The following HECW1 variants were observed in gnomAD, a reference collection of about 807,000 sequenced individuals.
The protein encoded by HECW1 is E3 ubiquitin-protein ligase HECW1.
HECW1 carries 61 observed loss-of-function variants against 182.3 expected under a neutral mutation model. The ratio of observed to expected loss-of-function variants is 0.33; its 90% CI spans 0.27 to 0.41. HECW1 has a LOEUF of 0.41. HECW1 is among the 10% of genes least tolerant of loss of function. HECW1 has a pLI of 1.00. For missense variants in HECW1, 1,739 were observed against 2,108.9 expected (o/e 0.82, Z 3.44); for synonymous variants, 859 against 832.6 (o/e 1.03, Z -0.55).
chr7:43,219,294 G>A (rs913614131), intron 2 of HECW1, among the ~76,000 whole-genome samples: 10 of 152,140 alleles, frequency 6.6e-5, no homozygotes, highest in Middle Eastern at 3.4e-3. Context: ...TAAGACCCAG[G>A]GCTTTCCTAC....
At chr7:43,203,735 T>C (rs972239909) in intron 2 of HECW1, among the ~76,000 whole-genome samples, 5 of 152,232 alleles carry the variant, frequency 3.3e-5, no homozygotes, top group African/African-American at 1.2e-4. Context: ...TGGTCACTGG[T>C]GGTAGCCACC....
chr7:43,197,321 C>A (rs1234344927), intron 2 of HECW1, among the ~76,000 whole-genome samples: 1 of 152,094 alleles, frequency 6.6e-6, no homozygotes, highest in Non-Finnish European at 1.5e-5. Context: ...CATCCCACCC[C>A]CACACACTCA....
intron 2 of HECW1, among the ~76,000 whole-genome samples, chr7:43,159,834 C>A (rs1790338184): frequency 1.3e-5 from 2 of 151,998 alleles, no homozygotes; most frequent in South Asian, 4.2e-4. Context: ...TGCCCACCAC[C>A]ACGCCCGGCT....
At chr7:43,430,743 G>T (rs1308704754) in intron 8 of HECW1, among the ~76,000 whole-genome samples, 1 of 113,978 alleles carries the variant, frequency 8.8e-6, no homozygotes, top group African/African-American at 3.1e-5. Flanking sequence ...TTGGCTTTGG[G>T]GTATATCTAG....
rs201515538 is a variant in HECW1, at chr7:43,445,101, C to A, written c.1929C>A (p.Gly643=). The stretch of plus-strand genomic sequence containing the variant: ...GCCACTTCCCCAGCCTGGCCAATGG[C>A]GCGGCCCAGGATGGCGACACGCACC... ...SGGHFPSLAN[G]AAQDGDTHPS... Residue 643 remains glycine (G), a synonymous_variant, in exon 11 of 30, where the codon GGC becomes GGA. Transcript: ENST00000395891. 6.2e-7 allele frequency: 1 copy of A among 1,605,678 alleles called. No homozygotes were observed. Among genetic ancestry groups the A allele is most frequent in the South Asian group, 1.1e-5 (1 of 90,686 alleles).
At chr7:43,334,931 C>A (rs183490052) in intron 5 of HECW1, among the ~76,000 whole-genome samples, 2 of 152,264 alleles carry the variant, frequency 1.3e-5, no homozygotes, top group African/African-American at 4.8e-5. Context: ...CTGTTCTTTT[C>A]TTCATATTTA....
rs768676345 is a variant in HECW1, at chr7:43,445,311, C to T, written c.2139C>T (p.Phe713=). The change falls in exon 11 of 30, where the codon TTC becomes TTT. Residue 713 remains phenylalanine (F), a synonymous_variant. Coordinates refer to ENST00000395891, the MANE Select transcript of HECW1 (RefSeq NM_015052.5). The part of the protein sequence containing the change: ...YSPSCYNGNR[F]ASHTRFSSVD... ...CCTCCTGCTACAACGGCAACAGGTT[C>T]GCCAGCCACACGCGCTTCTCCTCCG... The T allele has an allele frequency of 1.2e-6, 2 of 1,613,528 alleles. No homozygotes were observed. Among genetic ancestry groups the T allele is most frequent in the African/African-American group, 2.7e-5 (2 of 75,058 alleles).
intron 6 of HECW1, among the ~76,000 whole-genome samples, chr7:43,389,793 A>G (rs1009656059): frequency 1.4e-4 from 22 of 152,152 alleles, no homozygotes; most frequent in African/African-American, 5.3e-4. Flanking sequence ...GGTGTGCACC[A>G]CCATGCCTGA....
rs893635343 is a variant in HECW1 at position 43,479,696 on chromosome 7, A to T, written c.3186A>T (p.Leu1062=). ...PLQNGRLPNH[L]THRQHLQRLR... The stretch of plus-strand genomic sequence containing the variant: ...AGAACGGTCGTCTTCCCAATCATCT[A>T]ACTCACCGACAGCACCTCCAGAGGC... The change falls in exon 17 of 30, where the codon CTA becomes CTT. Residue 1062 remains leucine (L), a synonymous_variant. Transcript: ENST00000395891. 1.9e-6 allele frequency: 3 copies of T among 1,613,888 alleles called. No individual in the cohort carries two copies. Among genetic ancestry groups the T allele is most frequent in the South Asian group, 2.2e-5 (2 of 91,066 alleles).
At chr7:43,323,035 C>T (rs1040290248) in intron 5 of HECW1, among the ~76,000 whole-genome samples, 3 of 152,128 alleles carry the variant, frequency 2.0e-5, no homozygotes, top group Admixed American at 2.0e-4. Flanking sequence ...ATTCAAAGGG[C>T]AGTGACCACA....
intron 28 of HECW1, 36 bp from the exon 29 acceptor site, chr7:43,554,556 A>G: frequency 1.3e-6 from 2 of 1,576,996 alleles, no homozygotes; most frequent in Non-Finnish European, 1.7e-6. Flanking sequence ...TCTTTTCTCC[A>G]CATCCTGTCT....
chr7:43,234,458 T>C (rs1414371264), intron 2 of HECW1, among the ~76,000 whole-genome samples: 1 of 151,908 alleles, frequency 6.6e-6, no homozygotes, highest in African/African-American at 2.4e-5. Context: ...CTCCCCTTTG[T>C]TCCCCATGTT....
chr7:43,488,498 G>GAGAAAGAAAA (rs2078804302), intron 17 of HECW1, among the ~76,000 whole-genome samples: 1 of 150,318 alleles, frequency 6.7e-6, no homozygotes, highest in African/African-American at 2.4e-5. Context: ...GAGAAAGAAA[G>GAGAAAGAAAA]AAAGAAAAGA....
chr7:43,304,506 A>ATTTG lies in HECW1; in HGVS notation c.28-7256_28-7255insTTGT, dbSNP rs1304604805. On this transcript the variant is annotated intron_variant, in intron 3 of 29. Transcript: ENST00000395891. ...TATTTATTTATTTATTTATTTATTT[A>ATTTG]TCGATATGGAGTCTCACTCTGTCAC... is the stretch of plus-strand genomic sequence containing the variant. Among the ~76,000 whole-genome samples, 6 of 150,196 alleles carry ATTTG rather than the reference A, an allele frequency of 4.0e-5. No individual in the cohort carries two copies. The East Asian group carries it at 1.2e-3, about 30-fold the overall frequency.
At chr7:43,211,422 G>C (rs1217503434) in intron 2 of HECW1, among the ~76,000 whole-genome samples, 2 of 152,100 alleles carry the variant, frequency 1.3e-5, no homozygotes, top group African/African-American at 4.8e-5. Context: ...GCTCCATGCG[G>C]GCACCCTGTG....
intron 12 of HECW1, among the ~76,000 whole-genome samples, chr7:43,455,322 T>C (rs969951388): frequency 9.9e-5 from 15 of 152,196 alleles, no homozygotes; most frequent in African/African-American, 3.6e-4. Flanking sequence ...ATCAAAACGC[T>C]GTTTTGAAAC....
chr7:43,400,332 T>G (rs754660530), intron 7 of HECW1, among the ~76,000 whole-genome samples: 10 of 152,194 alleles, frequency 6.6e-5, no homozygotes, highest in Non-Finnish European at 1.5e-4. Context: ...ATTTGCTCCA[T>G]GCTGGTCAGC....
At chr7:43,153,176 A>T (rs755825598) in intron 2 of HECW1, among the ~76,000 whole-genome samples, 1 of 151,918 alleles carries the variant, frequency 6.6e-6, no homozygotes, top group African/African-American at 2.4e-5. Context: ...ATTTTTTTTT[A>T]AAACCACTGA....
At chr7:43,156,595 A>G (rs1789908453) in intron 2 of HECW1, among the ~76,000 whole-genome samples, 1 of 150,908 alleles carries the variant, frequency 6.6e-6, no homozygotes, top group Non-Finnish European at 1.5e-5. Flanking sequence ...GTAGGCTGTC[A>G]TTAGTGAGTA....
Sources: gnomAD v4.1 joint callset for allele counts (sites outside exome capture counted in the v4.1 genomes callset) on GRCh38, gnomAD v4.1.1 for gene constraint, MANE v1.5 for transcripts, NCBI Gene and HGNC (gene_info 2026-07-23, HGNC 2026-07-21) for gene names.